The following NOTCH4 variants were observed in gnomAD, a reference collection of about 807,000 sequenced individuals.
The protein encoded by NOTCH4 is neurogenic locus notch homolog protein 4.
NOTCH4 carries 138 observed loss-of-function variants against 189.0 expected under a neutral mutation model. The ratio of observed to expected loss-of-function variants is 0.73; its 90% CI spans 0.64 to 0.84. NOTCH4 has a LOEUF of 0.84. Ranked by LOEUF, NOTCH4 falls within the 40% of genes least tolerant of loss-of-function variation. The pLI is 0.00. For synonymous variants in NOTCH4, 942 were observed against 1,032.8 expected (o/e 0.91, Z 1.69); for missense variants, 2,286 against 2,605.4 (o/e 0.88, Z 2.67).
In NOTCH4 at chr6:32,197,022, C is replaced by A; in HGVS notation, c.5103G>T (p.Gly1701=). 6.2e-7 allele frequency: 1 copy of A among 1,612,938 alleles called. No homozygotes were observed. Among genetic ancestry groups the A allele is most frequent in the Admixed American group, 1.7e-5 (1 of 60,030 alleles). ...QTAVDARTED[G]TTPLMLAARL... Reference sequence around the variant, plus strand: ...TGGCAGCCAGCATCAAGGGTGTGGTCCCGTCCTCTGTGCGAGCGTCCACTG... The same window carrying A: ...TGGCAGCCAGCATCAAGGGTGTGGTACCGTCCTCTGTGCGAGCGTCCACTG... The change falls in exon 28 of 30, where the codon GGG becomes GGT. Residue 1701 remains glycine (G), a synonymous_variant. Transcript: ENST00000375023.
intron 18 of NOTCH4, among the ~76,000 whole-genome samples, chr6:32,209,295 A>C (rs1381492650): frequency 6.6e-6 from 1 of 152,162 alleles, no homozygotes; most frequent in Non-Finnish European, 1.5e-5. Context: ...TGTGGGAGCT[A>C]AAAAAGTTAG....
In NOTCH4 at chr6:32,213,156, A is replaced by C. The variant is rs777164939; in HGVS notation, c.2417T>G (p.Leu806Arg). The change falls in exon 15 of 30, where the codon CTC becomes CGC. Residue 806 changes from leucine to arginine, a missense_variant. Transcript: ENST00000375023. ...GFQGPRCEGKLRPSCADSPCR... is the reference protein window; with the variant it reads ...GFQGPRCEGKRRPSCADSPCR... ...TCACCTGTCTGCACAGCTGGGGCGG[A>C]GCTTTCCCTCACAGCGCGGGCCCTG... 6.2e-7 allele frequency: 1 copy of C among 1,613,698 alleles called. No individual in the cohort carries two copies. Among genetic ancestry groups the C allele is most frequent in the South Asian group, 1.1e-5 (1 of 91,058 alleles).
In NOTCH4 at chr6:32,222,773, C is replaced by G. The variant is rs61755045; in HGVS notation, c.189G>C (p.Gln63His). Residue 63 changes from glutamine (Q) to histidine (H), a missense_variant, in exon 3 of 30, where the codon CAG becomes CAC. By Grantham distance (24) the Gln-to-His change is conservative. This residue lies in a region of NOTCH4 where 1,903 missense variants were observed against 2,261.9 expected (regional missense o/e 0.84). Coordinates refer to ENST00000375023, the MANE Select transcript of NOTCH4 (RefSeq NM_004557.4). ...GGGCGTTCTGGCAGGGGTCAGGAAA[C>G]TGGCACGTCTCACCCAGGAAGCCAG... ...CAPGFLGETCQFPDPCQNAQL... is the reference protein window; with the variant it reads ...CAPGFLGETCHFPDPCQNAQL... 7.8e-4 allele frequency: 1,250 copies of G among 1,611,434 alleles called. 3 individuals carry two copies. The highest frequency in any genetic ancestry group is 8.0e-4 in the Non-Finnish European group (944 of 1,179,066).
In NOTCH4 at chr6:32,201,643, G is replaced by T; in HGVS notation, c.3756-143C>A. ...GCTGTGGAGCAATGAGCTTAGTCAA[G>T]TCCTGGATGGTAGTCCAGACACCCC... On this transcript the variant is annotated intron_variant, in intron 21 of 29. Transcript: ENST00000375023. This position sits in a 1 kb window ranked among gnomAD's most constrained non-coding sequence, Gnocchi z 5.5. 1 of 697,644 alleles carries T rather than the reference G, an allele frequency of 1.4e-6. No individual in the cohort carries two copies. Among genetic ancestry groups the T allele is most frequent in the Non-Finnish European group, 2.1e-6 (1 of 472,532 alleles). The allele number at this position is 697,644 out of a possible 1,614,324, so 43.2% of individuals were successfully genotyped here.
At position 32,204,404 on chromosome 6, in the gene NOTCH4, G is replaced by A. The variant is rs375326102; in HGVS notation, c.2866-15C>T. On this transcript the variant is annotated splice_polypyrimidine_tract_variant and intron_variant, in intron 18 of 29. Coordinates refer to ENST00000375023, the MANE Select transcript of NOTCH4 (RefSeq NM_004557.4). ...CCTGGGGCACACTGCAGACAAAGAG[G>A]ATTAGACAGGGAACCAGTGGATGAG... 1.2e-6 allele frequency: 2 copies of A among 1,610,042 alleles called. No homozygotes were observed. Among genetic ancestry groups the A allele is most frequent in the Middle Eastern group, 1.7e-4 (1 of 6,050 alleles).
rs1331495502 is a variant in NOTCH4, at chr6:32,222,901, C to G, written c.156-95G>C. The G allele has an allele frequency of 4.5e-6, 7 of 1,549,730 alleles. No individual in the cohort carries two copies. In the African/African-American group the frequency reaches 6.8e-5, roughly 15 times the overall value. Reference sequence around the variant, plus strand: ...GCCTTCATTTGTTTCCCTTCATCTCCTTCACTTCCTCTCTTTCTTCTTTGG... The same window carrying G: ...GCCTTCATTTGTTTCCCTTCATCTCGTTCACTTCCTCTCTTTCTTCTTTGG... On this transcript the variant is annotated intron_variant, in intron 2 of 29. Coordinates refer to ENST00000375023, the MANE Select transcript of NOTCH4 (RefSeq NM_004557.4).
At position 32,224,050 on chromosome 6, in the gene NOTCH4, G is replaced by T; in HGVS notation, c.-122C>A. The T allele has an allele frequency of 2.0e-6, 2 of 1,004,898 alleles. No individual in the cohort carries two copies. Among genetic ancestry groups the T allele is most frequent in the Non-Finnish European group, 2.8e-6 (2 of 707,338 alleles). The allele number at this position is 1,004,898 out of a possible 1,614,324, so 62.2% of individuals were successfully genotyped here. A position where few individuals can be genotyped will look rare whatever the true frequency, so the allele number is the denominator to read the frequency against. ...TGCCCCTCTTCTTCCTCCTCGGCCT[G>T]CTGCAAGCCTCACGTCTGAGCTGTT... On this transcript the variant is annotated 5_prime_UTR_variant, in exon 1 of 30. Coordinates refer to ENST00000375023, the MANE Select transcript of NOTCH4 (RefSeq NM_004557.4).
At chr6:32,211,004 T>C in intron 17 of NOTCH4, 68 bp from the exon 18 acceptor site, 1 of 1,432,250 alleles carries the variant, frequency 7.0e-7, no homozygotes, top group Non-Finnish European at 9.4e-7. Context: ...CTTACGCCTG[T>C]AATCCCAGCA....
In NOTCH4 at chr6:32,219,717, A is replaced by G; in HGVS notation, c.1385T>C (p.Leu462Pro). The G allele has an allele frequency of 2.5e-6, 4 of 1,613,060 alleles. No homozygotes were observed. The South Asian group carries it at 3.3e-5, about 13-fold the overall frequency. Reference protein sequence around the residue: ...CLNTPGSFNCLCPPGYTGSRC... With the variant: ...CLNTPGSFNCPCPPGYTGSRC... ...GGAGCCTGTGTAGCCAGGTGGACAG[A>G]GGCAGTTGAAGGAGCCAGGAGTGTT... The change falls in exon 8 of 30, where the codon CTC becomes CCC. Residue 462 changes from leucine to proline, a missense_variant. Physicochemically the swap from Leu to Pro is moderately conservative, Grantham distance 98. Around this residue, in one of 2 missense-constraint regions of NOTCH4, gnomAD observed 1,903 missense variants for 2,261.9 expected, o/e 0.84. Transcript: ENST00000375023.
Position 32,198,531 on chromosome 6 carries a change from C to T in NOTCH4, c.4646G>A (p.Cys1549Tyr). 1.2e-6 allele frequency: 2 copies of T among 1,613,034 alleles called. No homozygotes were observed. Among genetic ancestry groups the T allele is most frequent in the African/African-American group, 1.3e-5 (1 of 75,040 alleles). The change falls in exon 26 of 30, where the codon TGC (cysteine) becomes TAC (tyrosine). Residue 1549 changes from cysteine to tyrosine, a missense_variant. Cys to Tyr is a radical substitution (Grantham distance 194). This residue lies in a region of NOTCH4 where 1,903 missense variants were observed against 2,261.9 expected (regional missense o/e 0.84). Coordinates refer to ENST00000375023, the MANE Select transcript of NOTCH4 (RefSeq NM_004557.4). The surrounding 1 kb of genome is among the most constrained non-coding windows in gnomAD (Gnocchi z 5.5). The stretch of plus-strand genomic sequence containing the variant: ...GCCACCACTCAGAGACCAGAGCTGG[C>T]ACGTGGAGGGTGGGCCTGTTTCTTC... ...QAEETGPPSTCQLWSLSGGCG... is the reference protein window; with the variant it reads ...QAEETGPPSTYQLWSLSGGCG...
chr6:32,218,387 C>T lies in NOTCH4; in HGVS notation c.1511-279G>A, dbSNP rs150114369. ...TGGCCATTCCTGTGTATACAGAGGG[C>T]GGGGCTCACCAGGGCAGGCTGATCA... On this transcript the variant is annotated intron_variant, in intron 8 of 29. Coordinates refer to ENST00000375023, the MANE Select transcript of NOTCH4 (RefSeq NM_004557.4). 4.3e-3 allele frequency among the ~76,000 whole-genome samples: 649 copies of T among 152,160 alleles called. 7 individuals carry two copies. Among genetic ancestry groups the T allele is most frequent in the Non-Finnish European group, 4.1e-3 (276 of 67,992 alleles).
intron 14 of NOTCH4, 28 bp from the exon 15 acceptor site, chr6:32,213,280 G>T: frequency 6.5e-7 from 1 of 1,542,480 alleles, no homozygotes; most frequent in African/African-American, 1.4e-5. Context: ...TGAGGGTTTG[G>T]GTTCCTTGCC....
At position 32,202,040 on chromosome 6, in the gene NOTCH4, C is replaced by T. The variant is rs8192570; in HGVS notation, c.3755+36G>A. On this transcript the variant is annotated intron_variant, in intron 21 of 29. Coordinates refer to ENST00000375023, the MANE Select transcript of NOTCH4 (RefSeq NM_004557.4). The surrounding 1 kb of genome is among the most constrained non-coding windows in gnomAD (Gnocchi z 5.7). ...TCCTTCCTCCTCCTCTCACCCACCCCTCTCCTTCCCTGGCTCCAGTGGATT... is the reference window on the plus strand; with the variant it reads ...TCCTTCCTCCTCCTCTCACCCACCCTTCTCCTTCCCTGGCTCCAGTGGATT... 2.1e-6 allele frequency: 3 copies of T among 1,432,210 alleles called. No individual in the cohort carries two copies. The highest frequency in any genetic ancestry group is 3.6e-5 in the South Asian group (2 of 55,426). The allele number at this position is 1,432,210 out of a possible 1,614,324, so 88.7% of individuals were successfully genotyped here. A position where few individuals can be genotyped will look rare whatever the true frequency, so the allele number is the denominator to read the frequency against.
At chr6:32,215,843 TTTCCTTCCTTCCTTCC>T (rs953413497) in intron 11 of NOTCH4, 3 of 129,310 alleles carry the variant, frequency 2.3e-5, no homozygotes, top group Non-Finnish European at 4.9e-5. Context: ...TCCTTCCTTC[TTTCCTTCCTTCCTTCC>T]TTCTTTTTTT....
chr6:32,206,163 G>A (rs116620413), intron 18 of NOTCH4, among the ~76,000 whole-genome samples: 94 of 152,266 alleles, frequency 6.2e-4, no homozygotes, highest in African/African-American at 2.2e-3. Flanking sequence ...ACAAGACAAG[G>A]ATGCTCACTT....
chr6:32,197,821 T>C (rs1440074506), intron 26 of NOTCH4, among the ~76,000 whole-genome samples: 8 of 139,812 alleles, frequency 5.7e-5, no homozygotes, highest in East Asian at 2.0e-4. Flanking sequence ...GGTTTTCTCT[T>C]TTTTTTTTTT....
At position 32,198,852 on chromosome 6, in the gene NOTCH4, T is replaced by G; in HGVS notation, c.4535+74A>C. ...TCTTTGACTTCTGCAATAGTATTTCTTATCTTTTCTGATTGTAAATATCGC... is the reference window on the plus strand; with the variant it reads ...TCTTTGACTTCTGCAATAGTATTTCGTATCTTTTCTGATTGTAAATATCGC... On this transcript the variant is annotated intron_variant, in intron 24 of 29. Transcript: ENST00000375023. The surrounding 1 kb of genome is among the most constrained non-coding windows in gnomAD (Gnocchi z 5.5). The G allele has an allele frequency of 6.8e-7, 1 of 1,473,744 alleles. No individual in the cohort carries two copies. Among genetic ancestry groups the G allele is most frequent in the Non-Finnish European group, 9.2e-7 (1 of 1,092,166 alleles). The allele number at this position is 1,473,744 out of a possible 1,614,324, so 91.3% of individuals were successfully genotyped here.
rs1291609275 is a variant in NOTCH4 at position 32,200,543 on chromosome 6, C to A, written c.4315+288G>T. ...TTCATGTACTATGAATTGTCTGATA[C>A]AAAGACTATTAGGTATTCTCAGTCT... On this transcript the variant is annotated intron_variant, in intron 23 of 29. Transcript: ENST00000375023. This position sits in a 1 kb window ranked among gnomAD's most constrained non-coding sequence, Gnocchi z 5.0. Among the ~76,000 whole-genome samples, 1 of 152,174 alleles carries A rather than the reference C, an allele frequency of 6.6e-6. No homozygotes were observed. The highest frequency in any genetic ancestry group is 1.5e-5 in the Non-Finnish European group (1 of 68,032).
chr6:32,204,223 A>G lies in NOTCH4; in HGVS notation c.3032T>C (p.Leu1011Pro). ...LRCEGDVDECLDQPCHPTGTA... is the reference protein window; with the variant it reads ...LRCEGDVDECPDQPCHPTGTA... ...GCCTGTGGGGTGGCAGGGCTGGTCCAGACACTCGTCCACGTCTCCCTCACA... is the reference window on the plus strand; with the variant it reads ...GCCTGTGGGGTGGCAGGGCTGGTCCGGACACTCGTCCACGTCTCCCTCACA... The change falls in exon 19 of 30, where the codon CTG (leucine) becomes CCG (proline). Residue 1011 changes from leucine (L) to proline (P), a missense_variant. By Grantham distance (98) the Leu-to-Pro change is moderately conservative. Around this residue, in one of 2 missense-constraint regions of NOTCH4, gnomAD observed 1,903 missense variants for 2,261.9 expected, o/e 0.84. Coordinates refer to ENST00000375023, the MANE Select transcript of NOTCH4 (RefSeq NM_004557.4). 1 of 1,613,032 alleles carries G rather than the reference A, an allele frequency of 6.2e-7. No individual in the cohort carries two copies. Among genetic ancestry groups the G allele is most frequent in the Non-Finnish European group, 8.5e-7 (1 of 1,180,014 alleles).
Sources: gnomAD v4.1 joint callset for allele counts (sites outside exome capture counted in the v4.1 genomes callset) on GRCh38, gnomAD v4.1.1 for gene constraint, gnomAD v4.1.1 regional missense constraint, Gnocchi (gnomAD v3.1) non-coding constraint, MANE v1.5 for transcripts, NCBI Gene and HGNC (gene_info 2026-07-23, HGNC 2026-07-21) for gene names.